Variants in ATP8A2 observed in about 807,000 individuals in gnomAD.
ATP8A2 encodes ATPase phospholipid transporting 8A2.
In ATP8A2, 100 loss-of-function variants were observed where a neutral mutation model predicts 165.6. The ratio of observed to expected loss-of-function variants is 0.60; its 90% confidence interval spans 0.51 to 0.71. ATP8A2 has a LOEUF of 0.71. ATP8A2 is among the 30% of genes least tolerant of loss of function. The pLI is 0.00. For synonymous variants in ATP8A2, 543 were observed against 548.8 expected (o/e 0.99, Z 0.15); for missense variants, 1,227 against 1,479.5 (o/e 0.83, Z 2.80).
At chr13:25,818,661 C>T (rs1019467994) in intron 27 of ATP8A2, among the ~76,000 whole-genome samples, 2 of 152,144 alleles carry the variant, frequency 1.3e-5, no homozygotes, top group African/African-American at 4.8e-5. Context: ...GTATCATCAT[C>T]AAAAATAACA....
At chr13:25,871,040 A>T (rs1235807410) in intron 33 of ATP8A2, among the ~76,000 whole-genome samples, 3 of 149,132 alleles carry the variant, frequency 2.0e-5, no homozygotes, top group African/African-American at 7.4e-5. Flanking sequence ...TTGGCAGTTT[A>T]TTTTCTTTTT....
intron 24 of ATP8A2, among the ~76,000 whole-genome samples, chr13:25,692,168 T>C (rs1315379414): frequency 6.6e-6 from 1 of 152,036 alleles, no homozygotes; most frequent in Non-Finnish European, 1.5e-5. Flanking sequence ...AGAAAAAGCA[T>C]TGAATGTGTG....
At chr13:25,959,379 T>C (rs1042452344) in intron 33 of ATP8A2, among the ~76,000 whole-genome samples, 1 of 152,208 alleles carries the variant, frequency 6.6e-6, no homozygotes, top group African/African-American at 2.4e-5. Context: ...TGCCCACACT[T>C]GAAGGAGGCA....
intron 15 of ATP8A2, 21 bp downstream of exon 15, chr13:25,559,786 C>G (rs780205193): frequency 4.4e-6 from 7 of 1,576,158 alleles, no homozygotes; most frequent in Admixed American, 1.7e-5. Flanking sequence ...TCTAGCACTT[C>G]TTGACACTTT....
chr13:25,972,639 A>G (rs1045297936), intron 35 of ATP8A2, among the ~76,000 whole-genome samples: 1 of 152,168 alleles, frequency 6.6e-6, no homozygotes, highest in Non-Finnish European at 1.5e-5. Flanking sequence ...CGCACATGAA[A>G]TAGTCTACCC....
At chr13:26,001,738 G>A (rs1049845686) in intron 35 of ATP8A2, among the ~76,000 whole-genome samples, 3 of 151,964 alleles carry the variant, frequency 2.0e-5, no homozygotes, top group African/African-American at 7.3e-5. Context: ...TTGCTTTTGA[G>A]TTGTAGGTGT....
At chr13:25,748,821 T>G (rs940517875) in intron 25 of ATP8A2, among the ~76,000 whole-genome samples, 6 of 152,244 alleles carry the variant, frequency 3.9e-5, no homozygotes, top group Non-Finnish European at 7.3e-5. Flanking sequence ...TTAGCAGTTA[T>G]TCTGGTTTGG....
At chr13:25,688,901 G>T (rs2042664091) in intron 24 of ATP8A2, among the ~76,000 whole-genome samples, 1 of 152,206 alleles carries the variant, frequency 6.6e-6, no homozygotes, top group Non-Finnish European at 1.5e-5. Flanking sequence ...CTGCCAGTTT[G>T]CACAGCCTGC....
At chr13:25,825,477 G>A (rs1951291581) in intron 27 of ATP8A2, among the ~76,000 whole-genome samples, 1 of 151,680 alleles carries the variant, frequency 6.6e-6, no homozygotes, top group South Asian at 2.1e-4. Context: ...ATTTTTATTT[G>A]TTTTTTCTAT....
intron 1 of ATP8A2, among the ~76,000 whole-genome samples, chr13:25,389,037 A>C (rs1051358245): frequency 2.0e-5 from 3 of 152,102 alleles, no homozygotes; most frequent in African/African-American, 4.8e-5. Context: ...CCAATAGGAG[A>C]CTCATCACAA....
chr13:25,695,059 C>T (rs2042806695), intron 24 of ATP8A2, among the ~76,000 whole-genome samples: 1 of 151,888 alleles, frequency 6.6e-6, no homozygotes, highest in African/African-American at 2.4e-5. Context: ...GCAGGCATAC[C>T]TCAGAGATAT....
Position 25,901,241 on chromosome 13 carries a change from G to A in ATP8A2, c.3183+38833G>A, listed in dbSNP as rs1401429154. Among the ~76,000 whole-genome samples, 3 of 152,176 alleles carry A rather than the reference G, an allele frequency of 2.0e-5. No individual in the cohort carries two copies. The East Asian group carries it at 5.8e-4, about 29-fold the overall frequency. ...GGAAGGGGCCGATGAATAGTGCTGGGTCAAGGGTTTTTAAGTGGAATTGAG... is the reference window on the plus strand; with the variant it reads ...GGAAGGGGCCGATGAATAGTGCTGGATCAAGGGTTTTTAAGTGGAATTGAG... On this transcript the variant is annotated intron_variant, in intron 33 of 36. Transcript: ENST00000381655.
intron 27 of ATP8A2, among the ~76,000 whole-genome samples, chr13:25,823,057 G>A (rs1005763279): frequency 6.6e-6 from 1 of 152,172 alleles, no homozygotes; most frequent in Non-Finnish European, 1.5e-5. Flanking sequence ...ATAAAGCTGG[G>A]TCCGTACTTG....
chr13:25,708,529 C>T (rs1377883540), intron 25 of ATP8A2, among the ~76,000 whole-genome samples: 1 of 152,182 alleles, frequency 6.6e-6, no homozygotes, highest in African/African-American at 2.4e-5. Flanking sequence ...TCTGTCACCT[C>T]CTGAATTATC....
chr13:25,865,013 A>AT (rs1399127036), intron 33 of ATP8A2, among the ~76,000 whole-genome samples: 1 of 152,166 alleles, frequency 6.6e-6, no homozygotes, highest in Non-Finnish European at 1.5e-5. Flanking sequence ...ATTACAAAAC[A>AT]TTTTTTTAAA....
At chr13:25,787,496 A>G (rs2045059430) in intron 27 of ATP8A2, among the ~76,000 whole-genome samples, 1 of 152,266 alleles carries the variant, frequency 6.6e-6, no homozygotes, top group Non-Finnish European at 1.5e-5. Flanking sequence ...TTTGGTGATT[A>G]TGAATAATGC....
chr13:25,420,397 GC>G (rs1269896207), intron 1 of ATP8A2, among the ~76,000 whole-genome samples: 3 of 152,228 alleles, frequency 2.0e-5, no homozygotes, highest in Non-Finnish European at 2.9e-5. Context: ...CAGACTCAAG[GC>G]TTTGGAAGAG....
chr13:25,888,065 C>A, intron 33 of ATP8A2, among the ~76,000 whole-genome samples: 1 of 133,816 alleles, frequency 7.5e-6, no homozygotes, highest in African/African-American at 2.7e-5. Flanking sequence ...GGAAAGAACC[C>A]AGACCCCCCC....
At chr13:25,589,768 T>C in intron 24 of ATP8A2, 69 bp downstream of exon 24, 1 of 945,228 alleles carries the variant, frequency 1.1e-6, no homozygotes, top group Non-Finnish European at 1.7e-6. Flanking sequence ...CTACTATCAT[T>C]GATAATCAGG....
Sources: allele counts gnomAD v4.1 joint callset (sites outside exome capture counted in the v4.1 genomes callset), GRCh38; gene constraint gnomAD v4.1.1; transcripts MANE v1.5; gene names NCBI Gene and HGNC (gene_info 2026-07-23, HGNC 2026-07-21).